The following ITGAL variants were observed in gnomAD, a reference collection of about 807,000 sequenced individuals.
The protein encoded by ITGAL is integrin alpha-L.
ITGAL carries 68 observed loss-of-function variants against 138.4 expected under a neutral mutation model. That is an observed-to-expected ratio of 0.49 (90% CI 0.40 to 0.60). ITGAL has a LOEUF of 0.60. Among genes scored for constraint, ITGAL ranks in the 20% least tolerant of loss-of-function variants. ITGAL has a pLI of 0.00. For missense variants in ITGAL, 1,256 were observed against 1,478.6 expected, an observed-to-expected ratio of 0.85 and a Z score of 2.47; for synonymous variants, 561 against 584.3, an observed-to-expected ratio of 0.96 and a Z score of 0.57.
In ITGAL at chr16:30,522,417, T is replaced by C. The variant is rs1279970219; in HGVS notation, c.*752T>C. 6.6e-6 allele frequency: 1 copy of C among 152,474 alleles called. No individual in the cohort carries two copies. Among genetic ancestry groups the C allele is most frequent in the Non-Finnish European group, 1.5e-5 (1 of 68,112 alleles). 9.4% of individuals were successfully genotyped at this position (152,474 alleles called of 1,614,324 possible). ...GGTTGGGTCCTCACATCTTTCACAC[T>C]TCCACCAGCCTGCACTACTCCCTCA... On this transcript the variant is annotated 3_prime_UTR_variant, in exon 31 of 31. Transcript: ENST00000356798. The surrounding 1 kb of genome is among the most constrained non-coding windows in gnomAD (Gnocchi z 4.0).
In ITGAL at chr16:30,510,942, T is replaced by C; in HGVS notation, c.2681T>C (p.Leu894Ser). The C allele has an allele frequency of 6.2e-7, 1 of 1,613,994 alleles. No individual in the cohort carries two copies. Among genetic ancestry groups the C allele is most frequent in the Non-Finnish European group, 8.5e-7 (1 of 1,179,966 alleles). Residue 894 changes from leucine to serine, a missense_variant, in exon 23 of 31, where the codon TTG becomes TCG. Physicochemically the swap from Leu to Ser is moderately radical, Grantham distance 145 (BLOSUM62 -2). Coordinates refer to ENST00000356798, the MANE Select transcript of ITGAL (RefSeq NM_002209.3). The stretch of plus-strand genomic sequence containing the variant: ...AGCTCCTGGGGGGACTCGGTTGAAT[T>C]GCACGCCAATGTGACCTGGTGAGCA... ...VNSSWGDSVE[L>S]HANVTCNNED... is the part of the protein sequence containing the mutation.
At chr16:30,481,641 C>G in intron 7 of ITGAL, 57 bp downstream of exon 7, 1 of 1,542,600 alleles carries the variant, frequency 6.5e-7, no homozygotes, top group Non-Finnish European at 8.9e-7. Flanking sequence ...GGTGATCTAC[C>G]CACTTCCAGC....
At chr16:30,511,896 C>T (rs949871226) in intron 24 of ITGAL, among the ~76,000 whole-genome samples, 2 of 152,068 alleles carry the variant, frequency 1.3e-5, no homozygotes, top group Non-Finnish European at 2.9e-5. Flanking sequence ...GAAAGCCAGG[C>T]AATTGAGAAG....
chr16:30,507,880 TTTTTA>T (rs2051027387), intron 21 of ITGAL, among the ~76,000 whole-genome samples: 1 of 152,070 alleles, frequency 6.6e-6, no homozygotes, highest in African/African-American at 2.4e-5. Flanking sequence ...TGAATTATTC[TTTTTA>T]TTTTTTTATT....
intron 1 of ITGAL, 24 bp downstream of exon 1, chr16:30,472,922 A>G (rs1433368383): frequency 6.2e-7 from 1 of 1,606,346 alleles, no homozygotes; most frequent in Non-Finnish European, 8.5e-7. Context: ...GAGGCAGGGG[A>G]AGGGACATGT....
In ITGAL at chr16:30,521,905, G is replaced by A; in HGVS notation, c.*240G>A. On this transcript the variant is annotated 3_prime_UTR_variant, in exon 31 of 31. Coordinates refer to ENST00000356798, the MANE Select transcript of ITGAL (RefSeq NM_002209.3). ...AAGTGAGGGCTTGTCATTACCAGAC[G>A]GTTCACCAGCCTCTCTTGGTTTCCT... 4.3e-6 allele frequency: 2 copies of A among 466,412 alleles called. No individual in the cohort carries two copies. Among genetic ancestry groups the A allele is most frequent in the Non-Finnish European group, 3.8e-6 (1 of 260,950 alleles). The allele number at this position is 466,412 out of a possible 1,614,324, so 28.9% of individuals were successfully genotyped here.
At chr16:30,489,955 A>G (rs1431854406) in intron 11 of ITGAL, among the ~76,000 whole-genome samples, 3 of 148,528 alleles carry the variant, frequency 2.0e-5, no homozygotes, top group Admixed American at 6.8e-5. Context: ...GGCCGAGCAC[A>G]GTGGCTGACA....
At chr16:30,509,299 C>T (rs1473394769) in intron 21 of ITGAL, 1 of 152,166 alleles carries the variant, frequency 6.6e-6, no homozygotes. Flanking sequence ...CCCTTAGCCT[C>T]CCTGAACCTG....
At chr16:30,506,983 C>A in intron 21 of ITGAL, 127 bp downstream of exon 21, 1 of 1,004,370 alleles carries the variant, frequency 1.0e-6, no homozygotes, top group Non-Finnish European at 1.5e-6. Flanking sequence ...GTCTTAGGGT[C>A]ATATCTGGGT....
At chr16:30,491,449 C>A (rs1192310236) in intron 11 of ITGAL, among the ~76,000 whole-genome samples, 1 of 151,912 alleles carries the variant, frequency 6.6e-6, no homozygotes, top group South Asian at 2.1e-4. Flanking sequence ...TAGACACCCA[C>A]CCCACTATAC....
chr16:30,475,698 C>A, intron 4 of ITGAL, 118 bp downstream of exon 4: 35 of 482,648 alleles, frequency 7.3e-5, no homozygotes, highest in Non-Finnish European at 1.1e-4. Context: ...GCATCAGAGT[C>A]AATTAGTGTT....
chr16:30,521,769 C>T lies in ITGAL; in HGVS notation c.*104C>T. ...CCGTGTGCCCTCGGGCGAGTCACTG[C>T]CTCTCCCTGGCCCTCAGTTTCCCTA... On this transcript the variant is annotated 3_prime_UTR_variant, in exon 31 of 31. Transcript: ENST00000356798. 5 of 1,111,390 alleles carry T rather than the reference C, an allele frequency of 4.5e-6. No individual in the cohort carries two copies. Among genetic ancestry groups the T allele is most frequent in the Non-Finnish European group, 6.4e-6 (5 of 784,446 alleles). The allele number at this position is 1,111,390 out of a possible 1,614,324, so 68.8% of individuals were successfully genotyped here.
At chr16:30,500,936 A>ATG (rs2050886896) in intron 17 of ITGAL, among the ~76,000 whole-genome samples, 1 of 151,842 alleles carries the variant, frequency 6.6e-6, no homozygotes, top group Non-Finnish European at 1.5e-5. Context: ...CCCAGGAGGC[A>ATG]GAGGTTGCAG....
At chr16:30,499,946 A>C (rs1418007165) in intron 17 of ITGAL, among the ~76,000 whole-genome samples, 1 of 149,220 alleles carries the variant, frequency 6.7e-6, no homozygotes, top group Non-Finnish European at 1.5e-5. Context: ...ATAGGGTTTC[A>C]CCATGTTAGT....
chr16:30,504,954 G>C (rs1295486664), intron 18 of ITGAL: 1 of 215,226 alleles, frequency 4.6e-6, no homozygotes, highest in Non-Finnish European at 9.1e-6. Flanking sequence ...CCAGGAGGCA[G>C]AGGTTGCAGT....
rs571711131 is a variant in ITGAL, at chr16:30,504,029, G to C, written c.2146-146G>C. On this transcript the variant is annotated intron_variant, in intron 17 of 30. Transcript: ENST00000356798. ...GTGTGCTGTACACACCTGCTATGTA[G>C]TCAATGGATTTTCAATACTGGTAGG... 9 of 651,680 alleles carry C rather than the reference G, an allele frequency of 1.4e-5. No homozygotes were observed. The African/African-American group carries it at 1.4e-4, about 10-fold the overall frequency. The allele number at this position is 651,680 out of a possible 1,614,324, so 40.4% of individuals were successfully genotyped here.
chr16:30,492,562 CTT>C (rs879601094), intron 11 of ITGAL, among the ~76,000 whole-genome samples: 2 of 129,748 alleles, frequency 1.5e-5, no homozygotes, highest in Non-Finnish European at 1.6e-5. Flanking sequence ...AACATGGTAT[CTT>C]TTTTTTTTTT....
At chr16:30,503,193 A>G (rs1238831340) in intron 17 of ITGAL, among the ~76,000 whole-genome samples, 1 of 152,154 alleles carries the variant, frequency 6.6e-6, no homozygotes, top group Non-Finnish European at 1.5e-5. Flanking sequence ...CCAGGTCCTC[A>G]TCACCCAGTT....
Position 30,517,076 on chromosome 16 carries a change from G to A in ITGAL, c.2966G>A (p.Ser989Asn), listed in dbSNP as rs781563870. 3.1e-6 allele frequency: 5 copies of A among 1,604,966 alleles called. No individual in the cohort carries two copies. The highest frequency in any genetic ancestry group is 2.2e-5 in the South Asian group (2 of 90,586). Residue 989 changes from serine to asparagine, a missense_variant, in exon 26 of 31, where the codon AGC becomes AAC. Ser to Asn is a conservative substitution (Grantham distance 46, BLOSUM62 1). Transcript: ENST00000356798. Reference sequence around the variant, plus strand: ...GAGGGGCCCATCACACACCAGTGGAGCGTGCAGATGGTGAGTGCTGCCTGT... The same window carrying A: ...GAGGGGCCCATCACACACCAGTGGAACGTGCAGATGGTGAGTGCTGCCTGT... Reference protein sequence around the residue: ...PSEGPITHQWSVQMEPPVPCH... With the variant: ...PSEGPITHQWNVQMEPPVPCH...
Sources: allele counts gnomAD v4.1 joint callset (sites outside exome capture counted in the v4.1 genomes callset), GRCh38; gene constraint gnomAD v4.1.1; non-coding constraint Gnocchi (gnomAD v3.1); transcripts MANE v1.5; gene names NCBI Gene and HGNC (gene_info 2026-07-23, HGNC 2026-07-21).